The following RGL3 variants were observed in gnomAD, a reference collection of about 807,000 sequenced individuals.
The protein encoded by RGL3 is ral guanine nucleotide dissociation stimulator like 3.
A neutral mutation model predicts 90.6 loss-of-function variants in RGL3; 85 were observed. The observed-to-expected ratio is 0.94, with a 90% confidence interval of 0.79 to 1.12. The LOEUF (loss-of-function observed/expected upper bound fraction) is 1.12. RGL3 is among the 50% of genes most tolerant of loss of function. RGL3 has a pLI of 0.00. For synonymous variants in RGL3, 408 were observed against 385.5 expected, an observed-to-expected ratio of 1.06 and a Z score of -0.68; for missense variants, 1,034 against 939.2, an observed-to-expected ratio of 1.10 and a Z score of -1.32.
At chr19:11,416,723 A>G in intron 3 of RGL3, 56 bp from the exon 4 acceptor site, 1 of 1,600,200 alleles carries the variant, frequency 6.2e-7, no homozygotes, top group South Asian at 1.1e-5. Context: ...GGGCTTAGGA[A>G]GAGGGCTCTG....
chr19:11,414,857 G>C lies in RGL3; in HGVS notation c.637+1080C>G, dbSNP rs1041773402. Among the ~76,000 whole-genome samples, 5 of 151,946 alleles carry C rather than the reference G, an allele frequency of 3.3e-5. No individual in the cohort carries two copies. In the South Asian group the frequency reaches 6.2e-4, roughly 19 times the overall value. The stretch of plus-strand genomic sequence containing the variant: ...GCCAATAATCAAGTAAGGAGGCTAC[G>C]CATGCACAATGGCTTATGGCTGTAA... On this transcript the variant is annotated intron_variant, in intron 5 of 18. Transcript: ENST00000380456.
chr19:11,417,122 G>T, intron 2 of RGL3, 63 bp from the exon 3 acceptor site: 5 of 1,165,574 alleles, frequency 4.3e-6, no homozygotes, highest in East Asian at 2.5e-5. Context: ...CCCTTCTCTA[G>T]TCACATTCAT....
chr19:11,397,217 C>T lies in RGL3; in HGVS notation c.2014+27G>A. 1.9e-6 allele frequency: 3 copies of T among 1,602,118 alleles called. 1 individual carries two copies. The highest frequency in any genetic ancestry group is 2.2e-5 in the South Asian group (2 of 90,704). On this transcript the variant is annotated intron_variant, in intron 18 of 18. Transcript: ENST00000380456. ...TGCTCGCCTCCCCGCTGCCCCCTATCCTGAGCTCCAACCCATCCCTGCTCA... is the reference window on the plus strand; with the variant it reads ...TGCTCGCCTCCCCGCTGCCCCCTATTCTGAGCTCCAACCCATCCCTGCTCA...
chr19:11,414,176 T>TAC lies in RGL3; in HGVS notation c.637+1759_637+1760dup, dbSNP rs1242647402. ...ATATATATATATATATATATATATA[T>TAC]ACACCTATATATATATACCTTTATA... On this transcript the variant is annotated intron_variant, in intron 5 of 18. Transcript: ENST00000380456. 1.9e-3 allele frequency among the ~76,000 whole-genome samples: 142 copies of TAC among 75,002 alleles called. 2 individuals carry two copies. Among genetic ancestry groups the TAC allele is most frequent in the East Asian group, 0.01 (19 of 1,900 alleles). 49.2% of individuals were successfully genotyped at this position (75,002 alleles called of 152,430 possible).
At chr19:11,414,497 A>ATATATATATATATATATATATATACC (rs1968952106) in intron 5 of RGL3, among the ~76,000 whole-genome samples, 1 of 63,612 alleles carries the variant, frequency 1.6e-5, no homozygotes, top group African/African-American at 6.2e-5. Flanking sequence ...CTTCATATAT[A>ATATATATATATATATATATATATACC]TATATATATA....
chr19:11,405,686 C>CTTA (rs921856063), intron 7 of RGL3, among the ~76,000 whole-genome samples: 41 of 148,038 alleles, frequency 2.8e-4, no homozygotes, highest in East Asian at 7.9e-4. Context: ...TCATGCATGG[C>CTTA]TTATTATTAT....
rs766004067 is a variant in RGL3, at chr19:11,405,420, G to C, written c.1003C>G (p.Arg335Gly). 6 of 1,577,992 alleles carry C rather than the reference G, an allele frequency of 3.8e-6. No homozygotes were observed. Among genetic ancestry groups the C allele is most frequent in the South Asian group, 1.1e-5 (1 of 88,362 alleles). ...AAGGAGGAGAAGTTCCGCAGTTCTCGGCAGCGCTGCCAGGCGGTGGGGACG... is the reference window on the plus strand; with the variant it reads ...AAGGAGGAGAAGTTCCGCAGTTCTCCGCAGCGCTGCCAGGCGGTGGGGACG... ...EKWIRIAQRC[R>G]ELRNFSSLRA... Residue 335 changes from arginine (R) to glycine (G), a missense_variant, in exon 8 of 19, where the codon CGA becomes GGA. Coordinates refer to ENST00000380456, the MANE Select transcript of RGL3 (RefSeq NM_001035223.4).
chr19:11,417,134 A>C, intron 2 of RGL3, 75 bp from the exon 3 acceptor site: 1 of 1,046,276 alleles, frequency 9.6e-7, no homozygotes. Flanking sequence ...CACATTCATC[A>C]CTAGCACCAC....
At chr19:11,399,768 T>C in intron 16 of RGL3, 87 bp downstream of exon 16, 2 of 742,760 alleles carry the variant, frequency 2.7e-6, no homozygotes, top group South Asian at 4.5e-5. Flanking sequence ...CAATCCTGTG[T>C]GTACACATGT....
In RGL3 at chr19:11,406,635, C is replaced by T. The variant is rs532549711; in HGVS notation, c.781-1G>A. ...AGAGCCTCACCTTGGAGAAGAGCTC[C>T]TGGGCCAGGGGAGGGGTGTGGGATT... is the stretch of plus-strand genomic sequence containing the variant. On this transcript the variant is annotated splice_acceptor_variant, in intron 6 of 18. Transcript: ENST00000380456. LOFTEE classifies it high-confidence loss of function. 1.7e-5 allele frequency: 26 copies of T among 1,566,354 alleles called. No individual in the cohort carries two copies. In the East Asian group the frequency reaches 5.9e-4, roughly 35 times the overall value.
intron 18 of RGL3, 56 bp downstream of exon 18, chr19:11,397,188 A>T: frequency 3.4e-6 from 5 of 1,461,510 alleles, no homozygotes; most frequent in Non-Finnish European, 4.7e-6. Context: ...GGGCGTGGTC[A>T]GTCTGCTCGC....
intron 9 of RGL3, among the ~76,000 whole-genome samples, chr19:11,404,045 G>A (rs928367117): frequency 3.3e-5 from 5 of 152,070 alleles, no homozygotes; most frequent in African/African-American, 1.2e-4. Flanking sequence ...CAAACGCCCA[G>A]CTAATTGTTG....
At position 11,406,401 on chromosome 19, in the gene RGL3, T is replaced by G. The variant is rs1190975571; in HGVS notation, c.996+18A>C. 1.3e-6 allele frequency: 2 copies of G among 1,523,906 alleles called. No homozygotes were observed. Among genetic ancestry groups the G allele is most frequent in the Non-Finnish European group, 1.8e-6 (2 of 1,138,222 alleles). 94.4% of individuals were successfully genotyped at this position (1,523,906 alleles called of 1,614,324 possible). A position where few individuals can be genotyped will look rare whatever the true frequency, so the allele number is the denominator to read the frequency against. On this transcript the variant is annotated intron_variant, in intron 7 of 18. Coordinates refer to ENST00000380456, the MANE Select transcript of RGL3 (RefSeq NM_001035223.4). ...CCAGGGCCCGCCCCCGCATCCCCTC[T>G]CCGCGCCCGCAACACACCTGGGCGA... is the stretch of plus-strand genomic sequence containing the variant.
chr19:11,399,937 G>A lies in RGL3; in HGVS notation c.1664C>T (p.Ser555Leu). 2 of 1,544,572 alleles carry A rather than the reference G, an allele frequency of 1.3e-6. No individual in the cohort carries two copies. The highest frequency in any genetic ancestry group is 1.4e-5 in the African/African-American group (1 of 70,700). ...SSPTSSVSPG[S>L]PPSSPRSRDA... Reference sequence around the variant, plus strand: ...TCTGCTTCTAGGACTTGAGGGGGGTGACCCTGGGGACACACTGGGGGAGAT... The same window carrying A: ...TCTGCTTCTAGGACTTGAGGGGGGTAACCCTGGGGACACACTGGGGGAGAT... The change falls in exon 16 of 19, where the codon TCA (serine) becomes TTA (leucine). Residue 555 changes from serine to leucine, a missense_variant. Coordinates refer to ENST00000380456, the MANE Select transcript of RGL3 (RefSeq NM_001035223.4).
chr19:11,396,154 ATATATTTTTTT>A (rs1968566538), intron 18 of RGL3, among the ~76,000 whole-genome samples: 2 of 65,884 alleles, frequency 3.0e-5, no homozygotes, highest in African/African-American at 1.5e-4. Flanking sequence ...ATATATATAT[ATATATTTTTTT>A]TTTTTTTTTT....
At chr19:11,398,169 A>G (rs574363962) in intron 16 of RGL3, among the ~76,000 whole-genome samples, 50 of 152,264 alleles carry the variant, frequency 3.3e-4, no homozygotes, top group African/African-American at 1.2e-3. Flanking sequence ...TTATAGAAAC[A>G]GACATGAACA....
At position 11,405,205 on chromosome 19, in the gene RGL3, A is replaced by T. The variant is rs1232433211; in HGVS notation, c.1127T>A (p.Leu376His). ...SREPLSTFRKLSQIFSDENNH... is the reference protein window; with the variant it reads ...SREPLSTFRKHSQIFSDENNH... The stretch of plus-strand genomic sequence containing the variant: ...GTTCTCATCGGAGAAAATCTGCGAA[A>T]GTTTCCTGAAAGTAGATAGCGGTTC... The change falls in exon 9 of 19, where the codon CTT (leucine) becomes CAT (histidine). Residue 376 changes from leucine to histidine, a missense_variant. Physicochemically the swap from Leu to His is moderately conservative, Grantham distance 99. Transcript: ENST00000380456. The T allele has an allele frequency of 1.2e-6, 2 of 1,614,146 alleles. No homozygotes were observed. The highest frequency in any genetic ancestry group is 1.7e-5 in the Admixed American group (1 of 59,996).
At chr19:11,399,005 C>T (rs1026353271) in intron 16 of RGL3, among the ~76,000 whole-genome samples, 1 of 152,068 alleles carries the variant, frequency 6.6e-6, no homozygotes, top group African/African-American at 2.4e-5. Flanking sequence ...CTCTATCATG[C>T]AGGCTAGAGT....
chr19:11,405,093 T>C, intron 9 of RGL3, 54 bp downstream of exon 9: 1 of 1,467,424 alleles, frequency 6.8e-7, no homozygotes, highest in East Asian at 2.3e-5. Context: ...TGGCCCCAAG[T>C]CCCTCCCCCG....
Sources: allele counts gnomAD v4.1 joint callset (sites outside exome capture counted in the v4.1 genomes callset), GRCh38; gene constraint gnomAD v4.1.1; transcripts MANE v1.5; gene names NCBI Gene and HGNC (gene_info 2026-07-23, HGNC 2026-07-21).